The following STON2 variants were observed in gnomAD, a reference collection of about 807,000 sequenced individuals.
The protein encoded by STON2 is stonin-2.
In STON2, 29 loss-of-function variants were observed where a neutral mutation model predicts 65.7. The ratio of observed to expected loss-of-function variants is 0.44; its 90% confidence interval spans 0.33 to 0.60. The LOEUF is 0.60. Ranked by LOEUF, STON2 falls within the 20% of genes least tolerant of loss-of-function variation. The probability of loss-of-function intolerance (pLI) is 0.03; values close to 1 mark genes in which losing one functional copy is unlikely to be tolerated. For missense variants in STON2, 1,054 were observed against 1,118.1 expected, an observed-to-expected ratio of 0.94 and a Z score of 0.82; for synonymous variants, 404 against 414.2, an observed-to-expected ratio of 0.98 and a Z score of 0.30.
intron 4 of STON2, among the ~76,000 whole-genome samples, chr14:81,342,302 T>A (rs1897643874): frequency 6.6e-6 from 1 of 151,948 alleles, no homozygotes. Context: ...GCCCAGCTAA[T>A]TTTTGTATTT....
Position 81,267,746 on chromosome 14 carries a change from CT to C in STON2, c.*667del, listed in dbSNP as rs1455323353. On this transcript the variant is annotated 3_prime_UTR_variant, in exon 8 of 8. Coordinates refer to ENST00000614646, the MANE Select transcript of STON2 (RefSeq NM_001394390.1). ...AAAATTAAAAAGTCTCCTATTGTGC[CT>C]TTTTCCATTGTCTATTGTGACTCAG... is the stretch of plus-strand genomic sequence containing the variant. 2 of 985,234 alleles carry C rather than the reference CT, an allele frequency of 2.0e-6. No homozygotes were observed. Among genetic ancestry groups the C allele is most frequent in the Non-Finnish European group, 2.4e-6 (2 of 829,928 alleles). The allele number at this position is 985,234 out of a possible 1,614,324, so 61.0% of individuals were successfully genotyped here. A position where few individuals can be genotyped will look rare whatever the true frequency, so the allele number is the denominator to read the frequency against.
chr14:81,350,432 G>C (rs1050662033), intron 4 of STON2, among the ~76,000 whole-genome samples: 3 of 151,194 alleles, frequency 2.0e-5, no homozygotes, highest in Non-Finnish European at 4.4e-5. Flanking sequence ...CTTTCTGCAT[G>C]ACTGAATTGA....
Position 81,263,812 on chromosome 14 carries a change from C to T in STON2, c.*4602G>A, listed in dbSNP as rs992896293. On this transcript the variant is annotated 3_prime_UTR_variant, in exon 8 of 8. Coordinates refer to ENST00000614646, the MANE Select transcript of STON2 (RefSeq NM_001394390.1). The stretch of plus-strand genomic sequence containing the variant: ...GGATGGTAGTGCTTCCTACTTAAAC[C>T]AATTTAATATTCCCAAGGCTTTTAA... 1.0e-5 allele frequency: 10 copies of T among 985,194 alleles called. No homozygotes were observed. The highest frequency in any genetic ancestry group is 1.7e-5 in the African/African-American group (1 of 57,170). The allele number at this position is 985,194 out of a possible 1,614,324, so 61.0% of individuals were successfully genotyped here.
chr14:81,299,654 T>C (rs1412245090), intron 5 of STON2, among the ~76,000 whole-genome samples: 1 of 152,206 alleles, frequency 6.6e-6, no homozygotes, highest in Non-Finnish European at 1.5e-5. Flanking sequence ...ACAAAGTCAT[T>C]CTTTAAAAAC....
intron 4 of STON2, among the ~76,000 whole-genome samples, chr14:81,332,783 T>A (rs1488598958): frequency 6.6e-6 from 1 of 152,248 alleles, no homozygotes; most frequent in African/African-American, 2.4e-5. Flanking sequence ...AGAGCTGACA[T>A]CTATCCATTA....
At chr14:81,353,247 G>A (rs1205294252) in intron 4 of STON2, among the ~76,000 whole-genome samples, 1 of 152,158 alleles carries the variant, frequency 6.6e-6, no homozygotes, top group Non-Finnish European at 1.5e-5. Flanking sequence ...ACATCCATGT[G>A]TTCTCTTTTA....
intron 4 of STON2, among the ~76,000 whole-genome samples, chr14:81,357,147 TCATCTGA>T (rs1371491369): frequency 3.3e-5 from 5 of 151,372 alleles, no homozygotes; most frequent in African/African-American, 1.2e-4. Context: ...CACAACCTAC[TCATCTGA>T]CAAAGGGCTA....
chr14:81,350,740 C>T (rs978396849), intron 4 of STON2, among the ~76,000 whole-genome samples: 2 of 152,134 alleles, frequency 1.3e-5, no homozygotes, highest in Non-Finnish European at 2.9e-5. Context: ...GATTCTAAAA[C>T]CAAATAAGAA....
chr14:81,266,133 C>A lies in STON2; in HGVS notation c.*2281G>T. Reference sequence around the variant, plus strand: ...GAGTCTTATTACTATTGAGACTAAACCTATATTTAGAAGGAATCTTGGTAG... The same window carrying A: ...GAGTCTTATTACTATTGAGACTAAAACTATATTTAGAAGGAATCTTGGTAG... On this transcript the variant is annotated 3_prime_UTR_variant, in exon 8 of 8. Coordinates refer to ENST00000614646, the MANE Select transcript of STON2 (RefSeq NM_001394390.1). 2 of 978,478 alleles carry A rather than the reference C, an allele frequency of 2.0e-6. No homozygotes were observed. The highest frequency in any genetic ancestry group is 2.4e-6 in the Non-Finnish European group (2 of 823,630). 60.6% of individuals were successfully genotyped at this position (978,478 alleles called of 1,614,324 possible).
chr14:81,287,022 A>G (rs1895358316), intron 5 of STON2, among the ~76,000 whole-genome samples: 1 of 152,196 alleles, frequency 6.6e-6, no homozygotes, highest in Non-Finnish European at 1.5e-5. Context: ...ATTTTTCAAC[A>G]GGGAAAATAA....
At chr14:81,347,877 AAC>A (rs1178048039) in intron 4 of STON2, among the ~76,000 whole-genome samples, 3 of 144,756 alleles carry the variant, frequency 2.1e-5, no homozygotes, top group African/African-American at 5.1e-5. Flanking sequence ...CCATTGCAGC[AAC>A]AGAGTAGGAC....
chr14:81,389,370 C>G (rs115228554), intron 3 of STON2, among the ~76,000 whole-genome samples: 13 of 152,274 alleles, frequency 8.5e-5, no homozygotes, highest in African/African-American at 2.9e-4. Flanking sequence ...ACACCAAACA[C>G]CTCTCTTGCC....
Position 81,262,378 on chromosome 14 carries a change from T to G in STON2, c.*6036A>C, listed in dbSNP as rs1043629689. ...CTGCTAACACAGCACCTGACCAGAG[T>G]AGACATTTGATAAATATTTGTTGAG... On this transcript the variant is annotated 3_prime_UTR_variant, in exon 8 of 8. Coordinates refer to ENST00000614646, the MANE Select transcript of STON2 (RefSeq NM_001394390.1). 4.1e-6 allele frequency: 4 copies of G among 985,212 alleles called. No homozygotes were observed. In the Admixed American group the frequency reaches 2.5e-4, roughly 61 times the overall value. The allele number at this position is 985,212 out of a possible 1,614,324, so 61.0% of individuals were successfully genotyped here.
intron 5 of STON2, among the ~76,000 whole-genome samples, chr14:81,302,723 C>T (rs971431784): frequency 6.6e-6 from 1 of 152,190 alleles, no homozygotes; most frequent in African/African-American, 2.4e-5. Context: ...CAAGAGACAG[C>T]GGACTTGTGC....
chr14:81,435,564 G>A (rs534858224), intron 1 of STON2, among the ~76,000 whole-genome samples: 1 of 152,208 alleles, frequency 6.6e-6, no homozygotes, highest in African/African-American at 2.4e-5. Flanking sequence ...CGGGAGAGGC[G>A]GGGAGGCAGG....
intron 2 of STON2, among the ~76,000 whole-genome samples, chr14:81,417,541 G>C (rs1192274062): frequency 6.6e-6 from 1 of 152,210 alleles, no homozygotes; most frequent in African/African-American, 2.4e-5. Context: ...TAAGGGCAGA[G>C]AAGACCTCAA....
chr14:81,297,848 G>A (rs2140174034), intron 5 of STON2, among the ~76,000 whole-genome samples: 1 of 152,292 alleles, frequency 6.6e-6, no homozygotes. Context: ...AGACCAGCCT[G>A]ACCAACATGG....
At chr14:81,388,958 T>C (rs3891132) in intron 3 of STON2, among the ~76,000 whole-genome samples, 87,063 of 152,032 alleles carry the variant, frequency 0.57, 26,957 homozygotes, top group African/African-American at 0.8. Flanking sequence ...TGATCAGTTC[T>C]ACTTCTCCTC....
At position 81,278,380 on chromosome 14, in the gene STON2, C is replaced by A; in HGVS notation, c.1102G>T (p.Ala368Ser). ...PSVTEASPWR[A>S]TNPFLNETLQ... ...GTCTCATTCAGGAAAGGGTTGGTTG[C>A]CCTCCAAGGTGAAGCCTCAGTTACA... Residue 368 changes from alanine (A) to serine (S), a missense_variant, in exon 6 of 8, where the codon GCA (alanine) becomes TCA (serine). By Grantham distance (99) the Ala-to-Ser change is moderately conservative. Transcript: ENST00000614646. 1.2e-6 allele frequency: 2 copies of A among 1,614,166 alleles called. No individual in the cohort carries two copies.
Sources: allele counts gnomAD v4.1 joint callset (sites outside exome capture counted in the v4.1 genomes callset), GRCh38; gene constraint gnomAD v4.1.1; transcripts MANE v1.5; gene names NCBI Gene and HGNC (gene_info 2026-07-23, HGNC 2026-07-21).